The following MYLK4 variants were observed in gnomAD, a reference collection of about 807,000 sequenced individuals.
The protein encoded by MYLK4 is myosin light chain kinase family member 4.
MYLK4 carries 46 observed loss-of-function variants against 48.1 expected under a neutral mutation model. That is an observed-to-expected ratio of 0.96 (90% CI 0.75 to 1.22). The LOEUF is 1.22. Among genes scored for constraint, MYLK4 ranks in the 50% most tolerant of loss-of-function variants. The pLI, the probability that MYLK4 is intolerant of heterozygous loss-of-function variation, is 0.00. For missense variants in MYLK4, 451 were observed against 486.1 expected (o/e 0.93, Z 0.68); for synonymous variants, 170 against 180.8 (o/e 0.94, Z 0.48).
chr6:2,692,651 G>C lies in MYLK4; in HGVS notation c.235+133C>G, dbSNP rs1309490824. The C allele has an allele frequency of 5.1e-6, 3 of 582,824 alleles. No individual in the cohort carries two copies. In the South Asian group the frequency reaches 7.8e-5, roughly 15 times the overall value. 36.1% of individuals were successfully genotyped at this position (582,824 alleles called of 1,614,324 possible). On this transcript the variant is annotated intron_variant, in intron 3 of 12. Coordinates refer to ENST00000274643, the MANE Select transcript of MYLK4 (RefSeq NM_001012418.5). ...AAGCAAAAAAAAAAAAAGGGGGGGG[G>C]GGGCATTTTTTTATAAACATCACTT...
the MYLK4 span, chr6:2,770,270 T>A: frequency 6.2e-7 from 1 of 1,614,162 alleles, no homozygotes; most frequent in Non-Finnish European, 8.5e-7. Flanking sequence ...GGTGACTATT[T>A]TAATGCGAGC....
intron 2 of MYLK4, among the ~76,000 whole-genome samples, chr6:2,733,348 T>A (rs1157819357): frequency 2.0e-5 from 3 of 152,188 alleles, no homozygotes; most frequent in Admixed American, 1.3e-4. Context: ...GAAATACATG[T>A]GTAAAAACTA....
At chr6:2,750,133 A>G (rs1322634508) in intron 1 of MYLK4, among the ~76,000 whole-genome samples, 2 of 152,212 alleles carry the variant, frequency 1.3e-5, no homozygotes, top group Non-Finnish European at 2.9e-5. Context: ...AGGGAGAGAC[A>G]TTTGAATTTG....
chr6:2,688,355 G>A (rs2113152428), intron 4 of MYLK4, among the ~76,000 whole-genome samples: 2 of 152,348 alleles, frequency 1.3e-5, no homozygotes. Flanking sequence ...CACCGCGCAA[G>A]GCCTTTAATC....
intron 2 of MYLK4, among the ~76,000 whole-genome samples, chr6:2,747,012 A>AC (rs1764117018): frequency 6.6e-6 from 1 of 152,200 alleles, no homozygotes; most frequent in Non-Finnish European, 1.5e-5. Flanking sequence ...ACGGAGAGAG[A>AC]CAGGGAAATT....
intron 2 of MYLK4, among the ~76,000 whole-genome samples, chr6:2,725,583 AAG>A (rs202198851): frequency 0.035 from 3,683 of 105,674 alleles, 71 homozygotes; most frequent in Middle Eastern, 0.054. Context: ...AAGAAAAAGA[AAG>A]AGAAAGAAAG....
At chr6:2,735,215 TC>T (rs1198956913) in intron 2 of MYLK4, among the ~76,000 whole-genome samples, 1 of 152,204 alleles carries the variant, frequency 6.6e-6, no homozygotes, top group Non-Finnish European at 1.5e-5. Context: ...GTTGCCTTCT[TC>T]TTCATAAAGG....
chr6:2,679,464 A>T (rs1194510347), intron 8 of MYLK4, 56 bp from the exon 9 acceptor site: 1 of 1,603,964 alleles, frequency 6.2e-7, no homozygotes. Flanking sequence ...AATCGTGAAC[A>T]CTGAAATGAT....
chr6:2,683,902 T>C (rs1457476587), intron 6 of MYLK4, among the ~76,000 whole-genome samples: 1 of 152,222 alleles, frequency 6.6e-6, no homozygotes, highest in African/African-American at 2.4e-5. Context: ...AGTGCTTCTC[T>C]GTGGCTGGTG....
At chr6:2,761,044 A>T in the MYLK4 span, among the ~76,000 whole-genome samples, 1 of 152,188 alleles carries the variant, frequency 6.6e-6, no homozygotes, top group Non-Finnish European at 1.5e-5. Context: ...TTAGGTATGA[A>T]CATGAAGGTG....
At chr6:2,707,398 T>C (rs17135521) in intron 2 of MYLK4, among the ~76,000 whole-genome samples, 5,049 of 152,306 alleles carry the variant, frequency 0.033, 214 homozygotes, top group East Asian at 0.24. Flanking sequence ...CAATATATTT[T>C]CAAACCGATC....
rs75824841 is a variant in MYLK4 at position 2,680,804 on chromosome 6, G to A, written c.688-513C>T. ...TTTGCTCAACGCCTATGGGAAAGTCGCACGGCAGAGGAGGGCTTTTCTCTC... is the reference window on the plus strand; with the variant it reads ...TTTGCTCAACGCCTATGGGAAAGTCACACGGCAGAGGAGGGCTTTTCTCTC... On this transcript the variant is annotated intron_variant, in intron 7 of 12. Coordinates refer to ENST00000274643, the MANE Select transcript of MYLK4 (RefSeq NM_001012418.5). Among the ~76,000 whole-genome samples, 1,030 of 152,266 alleles carry A rather than the reference G, an allele frequency of 6.8e-3. 15 individuals are homozygous for A. The highest frequency in any genetic ancestry group is 0.024 in the African/African-American group (980 of 41,552).
At chr6:2,765,486 C>T in the MYLK4 span, 4 of 1,153,396 alleles carry the variant, frequency 3.5e-6, no homozygotes, top group African/African-American at 1.6e-5. Context: ...GCGGCGCCCT[C>T]CTCCGGCCCG....
intron 2 of MYLK4, among the ~76,000 whole-genome samples, chr6:2,724,504 G>A (rs1763184084): frequency 6.6e-6 from 1 of 152,204 alleles, no homozygotes; most frequent in African/African-American, 2.4e-5. Flanking sequence ...AGTGTGAAGG[G>A]TCGGTAAAAG....
chr6:2,727,310 C>A (rs58429251), intron 2 of MYLK4, among the ~76,000 whole-genome samples: 3,096 of 152,184 alleles, frequency 0.02, 83 homozygotes, highest in African/African-American at 0.071. Flanking sequence ...AAGAGAAGAC[C>A]CCGGAAAGCG....
At chr6:2,678,134 G>T in intron 10 of MYLK4, 86 bp downstream of exon 10, 1 of 1,482,546 alleles carries the variant, frequency 6.7e-7, no homozygotes, top group Non-Finnish European at 9.2e-7. Flanking sequence ...ATGTTAGTAA[G>T]AGAATAAATT....
the MYLK4 span, chr6:2,766,138 C>A: frequency 8.1e-7 from 1 of 1,240,422 alleles, no homozygotes; most frequent in Non-Finnish European, 1.0e-6. Context: ...TGGGCGACGG[C>A]GATGGCGACG....
chr6:2,709,864 G>A (rs2113244324), intron 2 of MYLK4, among the ~76,000 whole-genome samples: 1 of 152,280 alleles, frequency 6.6e-6, no homozygotes, highest in East Asian at 1.9e-4. Flanking sequence ...GGATTTGACA[G>A]CAGAGAAATA....
At chr6:2,763,004 A>G in the MYLK4 span, among the ~76,000 whole-genome samples, 2 of 152,314 alleles carry the variant, frequency 1.3e-5, no homozygotes, top group African/African-American at 4.8e-5. Flanking sequence ...AAGCAAAAGA[A>G]AGCCAAGCGG....
Sources: allele counts gnomAD v4.1 joint callset (sites outside exome capture counted in the v4.1 genomes callset), GRCh38; gene constraint gnomAD v4.1.1; transcripts MANE v1.5; gene names NCBI Gene and HGNC (gene_info 2026-07-23, HGNC 2026-07-21).